Variants in MAPK10 observed in about 807,000 individuals in gnomAD.
The protein encoded by MAPK10 is JNK3 alpha protein kinase.
A neutral mutation model predicts 59.3 loss-of-function variants in MAPK10; 25 were observed. The observed-to-expected ratio is 0.42, with a 90% confidence interval of 0.31 to 0.59. The LOEUF is 0.59. Ranked by LOEUF, MAPK10 falls within the 20% of genes least tolerant of loss-of-function variation. The pLI is 0.15. For missense variants in MAPK10, 351 were observed against 568.9 expected, an observed-to-expected ratio of 0.62 and a Z score of 3.90; for synonymous variants, 190 against 200.5, an observed-to-expected ratio of 0.95 and a Z score of 0.44.
chr4:86,383,909 T>C (rs1741098039), intron 1 of MAPK10, among the ~76,000 whole-genome samples: 1 of 152,214 alleles, frequency 6.6e-6, no homozygotes, highest in African/African-American at 2.4e-5. Context: ...GAAGAATTAA[T>C]GGCCTGATTT....
Position 86,101,179 on chromosome 4 carries a change from G to C in MAPK10, c.603C>G (p.Cys201Trp), listed in dbSNP as rs1367894037. ...KPSNIVVKSD[C>W]TLKILDFGLA... ...GTCCAAAGTCCAGGATTTTCAATGT[G>C]CAATCAGACTTGACTACAATGTTAC... Residue 201 changes from cysteine (C) to tryptophan (W), a missense_variant, in exon 8 of 14, where the codon TGC becomes TGG. Physicochemically the swap from Cys to Trp is radical, Grantham distance 215. Coordinates refer to ENST00000641462, the MANE Select transcript of MAPK10 (RefSeq NM_138982.4). 6.2e-7 allele frequency: 1 copy of C among 1,613,756 alleles called. No individual in the cohort carries two copies. Among genetic ancestry groups the C allele is most frequent in the Non-Finnish European group, 8.5e-7 (1 of 1,179,888 alleles).
chr4:86,418,011 G>A (rs867069494), intron 1 of MAPK10, among the ~76,000 whole-genome samples: 2 of 152,108 alleles, frequency 1.3e-5, no homozygotes, highest in African/African-American at 4.8e-5. Flanking sequence ...AGAGACTACA[G>A]CCTATGTCAG....
intron 12 of MAPK10, among the ~76,000 whole-genome samples, chr4:86,030,370 AC>A (rs1730103272): frequency 6.6e-6 from 1 of 151,978 alleles, no homozygotes; most frequent in African/African-American, 2.4e-5. Flanking sequence ...TTTCTCTGTC[AC>A]CCAGGCTTGA....
At chr4:86,081,732 G>A (rs139667692) in intron 9 of MAPK10, 1 of 152,086 alleles carries the variant, frequency 6.6e-6, no homozygotes, top group Non-Finnish European at 1.5e-5. Context: ...ATGTGGAGCA[G>A]ACAGCTACAT....
chr4:86,378,614 G>C (rs1463493136), intron 1 of MAPK10, among the ~76,000 whole-genome samples: 1 of 152,194 alleles, frequency 6.6e-6, no homozygotes, highest in Non-Finnish European at 1.5e-5. Flanking sequence ...AAATATACTA[G>C]AGTACATTAT....
At chr4:86,146,486 C>G (rs1441549659) in intron 4 of MAPK10, among the ~76,000 whole-genome samples, 1 of 152,148 alleles carries the variant, frequency 6.6e-6, no homozygotes, top group African/African-American at 2.4e-5. Context: ...GGGCACACAG[C>G]TCAACTAGAT....
chr4:86,577,339 GA>G (rs1300484494), intron 1 of MAPK10, among the ~76,000 whole-genome samples: 2 of 152,030 alleles, frequency 1.3e-5, no homozygotes, highest in African/African-American at 4.8e-5. Flanking sequence ...TAAAAAGAAA[GA>G]TGTATGCCAT....
intron 12 of MAPK10, among the ~76,000 whole-genome samples, chr4:86,030,247 T>C (rs1180971993): frequency 1.3e-5 from 2 of 152,192 alleles, no homozygotes; most frequent in Admixed American, 6.5e-5. Flanking sequence ...CATTTTTCCA[T>C]ATTCACCAAC....
intron 2 of MAPK10, among the ~76,000 whole-genome samples, chr4:86,257,408 C>T (rs2093791283): frequency 6.6e-6 from 1 of 152,200 alleles, no homozygotes; most frequent in Admixed American, 6.5e-5. Context: ...ATTCCCTAGG[C>T]AGTCTTCTTG....
chr4:86,575,236 CT>C (rs1355191301), intron 1 of MAPK10, among the ~76,000 whole-genome samples: 1 of 152,208 alleles, frequency 6.6e-6, no homozygotes, highest in Non-Finnish European at 1.5e-5. Flanking sequence ...AATTATACCA[CT>C]TTCCTTCATG....
rs192260915 is a variant in MAPK10 at position 86,348,712 on chromosome 4, G to A, written c.-7+5818C>T. Among the ~76,000 whole-genome samples the A allele has an allele frequency of 3.2e-3, 481 of 152,098 alleles. 2 individuals carry two copies. The highest frequency in any genetic ancestry group is 0.011 in the African/African-American group (454 of 41,506). On this transcript the variant is annotated intron_variant, in intron 2 of 13. Transcript: ENST00000641462. ...GTGCAGTACCTACTATCTACTCTTT[G>A]GTCTCTTAGTTCTGCCTTCAGTACA... is the stretch of plus-strand genomic sequence containing the variant.
At chr4:86,332,114 TTC>T (rs1182609427) in intron 2 of MAPK10, among the ~76,000 whole-genome samples, 2 of 152,024 alleles carry the variant, frequency 1.3e-5, no homozygotes, top group Non-Finnish European at 2.9e-5. Flanking sequence ...CACAATTTCT[TTC>T]AAATAATATG....
chr4:86,094,539 T>G (rs541848178), intron 9 of MAPK10, among the ~76,000 whole-genome samples: 5 of 151,994 alleles, frequency 3.3e-5, no homozygotes, highest in Admixed American at 3.3e-4. Flanking sequence ...GTGCTATCAT[T>G]TGAAGTAGAA....
In MAPK10 at chr4:86,144,327, T is replaced by C. The variant is rs1308430494; in HGVS notation, c.236+14971A>G. ...AAATATTACTTTATAAGACTGGAAT[T>C]TTACATTATTAATGTAAATAATAAT... is the stretch of plus-strand genomic sequence containing the variant. On this transcript the variant is annotated intron_variant, in intron 4 of 13. Coordinates refer to ENST00000641462, the MANE Select transcript of MAPK10 (RefSeq NM_138982.4). Among the ~76,000 whole-genome samples, 3 of 152,150 alleles carry C rather than the reference T, an allele frequency of 2.0e-5. No homozygotes were observed. In the East Asian group the frequency reaches 5.8e-4, roughly 29 times the overall value.
At chr4:86,116,044 T>C (rs993102839) in intron 4 of MAPK10, among the ~76,000 whole-genome samples, 41 of 152,352 alleles carry the variant, frequency 2.7e-4, no homozygotes, top group East Asian at 9.6e-4. Context: ...AGTTAAGTCA[T>C]TGTATTGGCA....
At chr4:86,561,426 T>A (rs529573886) in intron 1 of MAPK10, among the ~76,000 whole-genome samples, 4 of 152,246 alleles carry the variant, frequency 2.6e-5, no homozygotes, top group Non-Finnish European at 4.4e-5. Context: ...GTTTTCGACA[T>A]TATTTGAACC....
chr4:86,458,324 G>A (rs564867572), intron 1 of MAPK10, among the ~76,000 whole-genome samples: 24 of 150,898 alleles, frequency 1.6e-4, no homozygotes, highest in Non-Finnish European at 2.1e-4. Context: ...CTAGCCGGGC[G>A]TGGTGGCACA....
At chr4:86,438,708 C>T (rs1265625248) in intron 1 of MAPK10, among the ~76,000 whole-genome samples, 2 of 141,992 alleles carry the variant, frequency 1.4e-5, no homozygotes, top group African/African-American at 2.6e-5. Context: ...AAAAAAAAAA[C>T]ATGCAAGGAT....
chr4:86,338,389 T>C (rs1466160690), intron 2 of MAPK10, among the ~76,000 whole-genome samples: 1 of 152,198 alleles, frequency 6.6e-6, no homozygotes, highest in Non-Finnish European at 1.5e-5. Context: ...CTTGTGTATC[T>C]CAAGGACTGC....
Sources: allele counts gnomAD v4.1 joint callset (sites outside exome capture counted in the v4.1 genomes callset), GRCh38; gene constraint gnomAD v4.1.1; transcripts MANE v1.5; gene names NCBI Gene and HGNC (gene_info 2026-07-23, HGNC 2026-07-21).